Variants in AGO1 observed in about 807,000 individuals in gnomAD.
The protein encoded by AGO1 is protein argonaute-1.
Under a neutral mutation model 109.2 loss-of-function variants are expected in AGO1, and 11 were observed. The ratio of observed to expected loss-of-function variants is 0.10; its 90% CI spans 0.06 to 0.17. AGO1 has a LOEUF of 0.17. Ranked by LOEUF, AGO1 falls within the 10% of genes least tolerant of loss-of-function variation. The pLI is 1.00. For synonymous variants in AGO1, 422 were observed against 418.6 expected (o/e 1.01, Z -0.10); for missense variants, 574 against 1,140.3 (o/e 0.50, Z 7.15).
At chr1:35,900,948 A>C (rs1196137188) in intron 8 of AGO1, among the ~76,000 whole-genome samples, 1 of 151,906 alleles carries the variant, frequency 6.6e-6, no homozygotes, top group Non-Finnish European at 1.5e-5. Context: ...ACCTGAGCCC[A>C]GATCTGGCTC....
Position 35,919,577 on chromosome 1 carries a change from G to C in AGO1, c.2544G>C (p.Gln848His). 6.2e-7 allele frequency: 1 copy of C among 1,614,160 alleles called. No homozygotes were observed. The highest frequency in any genetic ancestry group is 8.5e-7 in the Non-Finnish European group (1 of 1,180,018). Residue 848 changes from glutamine (Q) to histidine (H), a missense_variant, in exon 19 of 19, where the codon CAG (glutamine) becomes CAC (histidine). By Grantham distance (24) the Gln-to-His change is conservative. Transcript: ENST00000373204. The surrounding 1 kb of genome is among the most constrained non-coding windows in gnomAD (Gnocchi z 6.6). ...QALAKAVQVH[Q>H]DTLRTMYFA ...TGGCCAAAGCCGTGCAGGTTCACCA[G>C]GATACTCTGCGCACCATGTACTTCG...
At position 35,919,217 on chromosome 1, in the gene AGO1, C is replaced by T. The variant is rs1157651125; in HGVS notation, c.2428C>T (p.Arg810Trp). The T allele has an allele frequency of 6.2e-7, 1 of 1,614,078 alleles. No individual in the cohort carries two copies. The highest frequency in any genetic ancestry group is 8.5e-7 in the Non-Finnish European group (1 of 1,179,998). The change falls in exon 18 of 19, where the codon CGG (arginine) becomes TGG (tryptophan). Residue 810 changes from arginine to tryptophan, a missense_variant. This residue lies in a region of AGO1 where 62 missense variants were observed against 192.0 expected (regional missense o/e 0.32). Coordinates refer to ENST00000373204, the MANE Select transcript of AGO1 (RefSeq NM_012199.5). The surrounding 1 kb of genome is among the most constrained non-coding windows in gnomAD (Gnocchi z 6.6). The stretch of plus-strand genomic sequence containing the variant: ...CTACTATGCCCGCCTGGTGGCTTTC[C>T]GGGCACGATACCACCTGGTGGACAA... ...PAYYARLVAF[R>W]ARYHLVDKEH...
At position 35,927,779 on chromosome 1, in the gene AGO1, A is replaced by G. The variant is rs1645958029; in HGVS notation, c.*8172A>G. On this transcript the variant is annotated 3_prime_UTR_variant, in exon 19 of 19. Transcript: ENST00000373204. Reference sequence around the variant, plus strand: ...ACTTCAACTTTTACAGATGAGAAACATGAATCAGAGTGACTTTCCCAGGCT... The same window carrying G: ...ACTTCAACTTTTACAGATGAGAAACGTGAATCAGAGTGACTTTCCCAGGCT... 6.6e-6 allele frequency: 1 copy of G among 152,270 alleles called. No individual in the cohort carries two copies. The highest frequency in any genetic ancestry group is 2.4e-5 in the African/African-American group (1 of 41,476). The allele number at this position is 152,270 out of a possible 1,614,324, so 9.4% of individuals were successfully genotyped here. A position where few individuals can be genotyped will look rare whatever the true frequency, so the allele number is the denominator to read the frequency against.
rs368413033 is a variant in AGO1, at chr1:35,919,031, C to T, written c.2266-24C>T. The T allele has an allele frequency of 1.2e-6, 2 of 1,609,984 alleles. No individual in the cohort carries two copies. The highest frequency in any genetic ancestry group is 1.7e-6 in the Non-Finnish European group (2 of 1,176,264). On this transcript the variant is annotated intron_variant, in intron 17 of 18. Transcript: ENST00000373204. The surrounding 1 kb of genome is among the most constrained non-coding windows in gnomAD (Gnocchi z 6.6). The stretch of plus-strand genomic sequence containing the variant: ...GCCATCTTCTCTGCCCAGCCTGGGA[C>T]CCCTCACCTTCCTATCTTCCCAGGG...
At chr1:35,918,714 C>G (rs1159097254) in intron 17 of AGO1, among the ~76,000 whole-genome samples, 2 of 152,108 alleles carry the variant, frequency 1.3e-5, no homozygotes, top group Non-Finnish European at 2.9e-5. Flanking sequence ...CGCCACCATG[C>G]CCAGCTAATT....
At chr1:35,907,407 C>T (rs779238493) in intron 12 of AGO1, among the ~76,000 whole-genome samples, 6 of 152,124 alleles carry the variant, frequency 3.9e-5, no homozygotes, top group Non-Finnish European at 7.4e-5. Flanking sequence ...GTCTAGATTC[C>T]TGTCCTTAGG....
In AGO1 at chr1:35,907,109, G is replaced by A. The variant is rs749491572; in HGVS notation, c.1572G>A (p.Thr524=). The A allele has an allele frequency of 9.9e-6, 16 of 1,612,428 alleles. No individual in the cohort carries two copies. Among genetic ancestry groups the A allele is most frequent in the East Asian group, 4.5e-5 (2 of 44,882 alleles). The change falls in exon 12 of 19, where the codon ACG becomes ACA. Residue 524 remains threonine, a synonymous_variant. Transcript: ENST00000373204. ...TTATTGTCATCCTGCCAGGGAAGAC[G>A]CCGGTGTATGGTACAGTTCTCTTGG... ...QLIIVILPGK[T]PVYAEVKRVG...
upstream of AGO1, among the ~76,000 whole-genome samples, chr1:35,881,124 G>A (rs543207937): frequency 5.3e-5 from 8 of 152,178 alleles, no homozygotes; most frequent in East Asian, 1.9e-4. Context: ...TATTGAAACC[G>A]AGACAGTCTG....
chr1:35,888,443 G>GC lies in AGO1; in HGVS notation c.49dup (p.Leu17ProfsTer28), dbSNP rs752471592. 1 of 1,613,852 alleles carries GC rather than the reference G, an allele frequency of 6.2e-7. No individual in the cohort carries two copies. Among genetic ancestry groups the GC allele is most frequent in the Admixed American group, 1.7e-5 (1 of 60,002 alleles). ...GTCTTGTAGCTGCGGGCGCTTACCT[G>GC]CCCCCCCTGCAGCAGGTGTTCCAGG... On this transcript the variant is annotated frameshift_variant, in exon 2 of 19. Coordinates refer to ENST00000373204, the MANE Select transcript of AGO1 (RefSeq NM_012199.5). LOFTEE classifies it high-confidence loss of function. The surrounding 1 kb of genome is among the most constrained non-coding windows in gnomAD (Gnocchi z 4.1).
In AGO1 at chr1:35,893,025, A is replaced by C; in HGVS notation, c.331-72A>C. 9.9e-6 allele frequency: 14 copies of C among 1,421,080 alleles called. No individual in the cohort carries two copies. The highest frequency in any genetic ancestry group is 1.2e-5 in the Non-Finnish European group (12 of 1,036,020). 88.0% of individuals were successfully genotyped at this position (1,421,080 alleles called of 1,614,324 possible). On this transcript the variant is annotated intron_variant, in intron 3 of 18. Coordinates refer to ENST00000373204, the MANE Select transcript of AGO1 (RefSeq NM_012199.5). The surrounding 1 kb of genome is among the most constrained non-coding windows in gnomAD (Gnocchi z 5.6). ...CAACTTGAAAAACATGTTCTCAGCAAATCCATGGAGTTGGGGGTCATTCTC... is the reference window on the plus strand; with the variant it reads ...CAACTTGAAAAACATGTTCTCAGCACATCCATGGAGTTGGGGGTCATTCTC...
rs966909637 is a variant in AGO1, at chr1:35,921,502, A to G, written c.*1895A>G. On this transcript the variant is annotated 3_prime_UTR_variant, in exon 19 of 19. Transcript: ENST00000373204. Reference sequence around the variant, plus strand: ...CTTTGAGGAGCCTGGGCTTGGATCTATCCTGATCTGGTGATGAAGCCATGA... The same window carrying G: ...CTTTGAGGAGCCTGGGCTTGGATCTGTCCTGATCTGGTGATGAAGCCATGA... The G allele has an allele frequency of 2.0e-5, 3 of 152,478 alleles. No individual in the cohort carries two copies. Among genetic ancestry groups the G allele is most frequent in the African/African-American group, 7.3e-5 (3 of 41,360 alleles). 9.4% of individuals were successfully genotyped at this position (152,478 alleles called of 1,614,324 possible).
At chr1:35,895,043 G>A (rs1039412816) in intron 7 of AGO1, 79 bp from the exon 8 acceptor site, 1 of 1,470,594 alleles carries the variant, frequency 6.8e-7, no homozygotes. Context: ...AAAATCTGAG[G>A]CTTCCATGGT....
chr1:35,884,897 C>T (rs557744354), intron 1 of AGO1, among the ~76,000 whole-genome samples: 3 of 152,172 alleles, frequency 2.0e-5, no homozygotes, highest in Non-Finnish European at 4.4e-5. Context: ...CACTTCCTTA[C>T]ATTTGGTCTG....
chr1:35,870,399 T>G (rs1044938816), intron 1 of AGO1, among the ~76,000 whole-genome samples: 5 of 152,040 alleles, frequency 3.3e-5, no homozygotes, highest in African/African-American at 1.2e-4. Context: ...TTCTCTTGCC[T>G]CAGCCTCCCG....
At chr1:35,911,651 T>C (rs1201306660) in intron 12 of AGO1, among the ~76,000 whole-genome samples, 1 of 152,260 alleles carries the variant, frequency 6.6e-6, no homozygotes, top group Non-Finnish European at 1.5e-5. Context: ...CTCTTGGAAG[T>C]AGATATGATC....
At position 35,921,898 on chromosome 1, in the gene AGO1, A is replaced by G. The variant is rs954617636; in HGVS notation, c.*2291A>G. Reference sequence around the variant, plus strand: ...ATTCCTTACACAAGTGCCTAAAGAGAGTGATGCTAACACTCCATCTGCCCT... The same window carrying G: ...ATTCCTTACACAAGTGCCTAAAGAGGGTGATGCTAACACTCCATCTGCCCT... On this transcript the variant is annotated 3_prime_UTR_variant, in exon 19 of 19. Transcript: ENST00000373204. 7 of 152,700 alleles carry G rather than the reference A, an allele frequency of 4.6e-5. No individual in the cohort carries two copies. Among genetic ancestry groups the G allele is most frequent in the African/African-American group, 1.7e-4 (7 of 41,454 alleles). 9.5% of individuals were successfully genotyped at this position (152,700 alleles called of 1,614,324 possible).
intron 1 of AGO1, among the ~76,000 whole-genome samples, chr1:35,884,514 A>C (rs1399094119): frequency 2.0e-5 from 3 of 152,124 alleles, no homozygotes; most frequent in Non-Finnish European, 4.4e-5. Flanking sequence ...TATAACATTT[A>C]TTCTAATATT....
intron 1 of AGO1, among the ~76,000 whole-genome samples, chr1:35,871,769 T>TA (rs535598391): frequency 7.1e-4 from 105 of 148,724 alleles, no homozygotes; most frequent in African/African-American, 1.7e-3. Flanking sequence ...ACTTTTGCCT[T>TA]AAAAAAAAAA....
In AGO1 at chr1:35,919,393, T is replaced by C; in HGVS notation, c.2466-106T>C. The stretch of plus-strand genomic sequence containing the variant: ...TCGTCTGCCCAATCCTGGGTTGGGT[T>C]TCTCTCTTAAGTTGGTATGGGAATT... On this transcript the variant is annotated intron_variant, in intron 18 of 18. Transcript: ENST00000373204. The surrounding 1 kb of genome is among the most constrained non-coding windows in gnomAD (Gnocchi z 6.6). 1 of 1,467,022 alleles carries C rather than the reference T, an allele frequency of 6.8e-7. No individual in the cohort carries two copies. Among genetic ancestry groups the C allele is most frequent in the Non-Finnish European group, 9.3e-7 (1 of 1,077,528 alleles). The allele number at this position is 1,467,022 out of a possible 1,614,324, so 90.9% of individuals were successfully genotyped here.
Sources: gnomAD v4.1 joint callset for allele counts (sites outside exome capture counted in the v4.1 genomes callset) on GRCh38, gnomAD v4.1.1 for gene constraint, gnomAD v4.1.1 regional missense constraint, Gnocchi (gnomAD v3.1) non-coding constraint, MANE v1.5 for transcripts, NCBI Gene and HGNC (gene_info 2026-07-23, HGNC 2026-07-21) for gene names.